BMPR1B: variants seen among roughly 807,000 people sequenced by gnomAD.
BMPR1B encodes bone morphogenetic protein receptor type 1B.
Under a neutral mutation model 59.1 loss-of-function variants are expected in BMPR1B, and 12 were observed. That is an observed-to-expected ratio of 0.20 (90% CI 0.13 to 0.33). BMPR1B has a LOEUF of 0.33. Among genes scored for constraint, BMPR1B ranks in the 10% least tolerant of loss-of-function variants. The pLI is 1.00. For missense variants in BMPR1B, 550 were observed against 610.9 expected (o/e 0.90, Z 1.05); for synonymous variants, 237 against 207.3 (o/e 1.14, Z -1.23).
intron 2 of BMPR1B, among the ~76,000 whole-genome samples, chr4:94,879,351 G>T (rs909648679): frequency 2.0e-5 from 3 of 152,188 alleles, no homozygotes; most frequent in Admixed American, 6.5e-5. Context: ...GTTTACATTT[G>T]ATTCTTTGGG....
intron 1 of BMPR1B, among the ~76,000 whole-genome samples, chr4:94,841,458 C>G (rs1725070233): frequency 6.6e-6 from 1 of 152,172 alleles, no homozygotes; most frequent in Non-Finnish European, 1.5e-5. Context: ...GGGATATAAT[C>G]TCGTGCTGCG....
intron 2 of BMPR1B, among the ~76,000 whole-genome samples, chr4:94,877,791 A>G (rs182301588): frequency 2.5e-3 from 387 of 151,994 alleles, no homozygotes; most frequent in Non-Finnish European, 4.5e-3. Context: ...TACATTTTAT[A>G]TATGTATAGA....
chr4:94,824,831 A>G (rs977515914), intron 1 of BMPR1B, among the ~76,000 whole-genome samples: 2 of 152,142 alleles, frequency 1.3e-5, no homozygotes, highest in African/African-American at 4.8e-5. Flanking sequence ...AAAGTTATAT[A>G]TAGTGTTCAA....
chr4:94,950,056 T>C (rs1022686039), intron 2 of BMPR1B, among the ~76,000 whole-genome samples: 1 of 152,270 alleles, frequency 6.6e-6, no homozygotes, highest in Non-Finnish European at 1.5e-5. Context: ...GATGAGCTTT[T>C]TTTCATGTGT....
chr4:95,146,529 T>C (rs1335048357), intron 10 of BMPR1B, among the ~76,000 whole-genome samples: 1 of 152,200 alleles, frequency 6.6e-6, no homozygotes, highest in African/African-American at 2.4e-5. Context: ...CTAAAATCTT[T>C]ATCAACTGTG....
chr4:94,839,391 G>T (rs1724953649), intron 1 of BMPR1B, among the ~76,000 whole-genome samples: 1 of 146,704 alleles, frequency 6.8e-6, no homozygotes, highest in African/African-American at 2.5e-5. Context: ...ATGTGTGGGG[G>T]TCTAAGTCTC....
rs180686504 is a variant in BMPR1B, at chr4:94,815,997, A to C, written c.-183+57929A>C. On this transcript the variant is annotated intron_variant, in intron 1 of 12. Transcript: ENST00000515059. ...TTTTTCATAGACTGTAGTCTATGTG[A>C]TGTTGGCATTTTATCTGTTATCTTG... Among the ~76,000 whole-genome samples the C allele has an allele frequency of 4.7e-3, 720 of 152,180 alleles. 6 individuals carry two copies. The highest frequency in any genetic ancestry group is 0.017 in the African/African-American group (687 of 41,532).
Position 95,155,799 on chromosome 4 carries a change from G to A in BMPR1B, c.*1126G>A, listed in dbSNP as rs1735381796. 1 of 152,076 alleles carries A rather than the reference G, an allele frequency of 6.6e-6. No individual in the cohort carries two copies. Among genetic ancestry groups the A allele is most frequent in the African/African-American group, 2.4e-5 (1 of 41,394 alleles). The allele number at this position is 152,076 out of a possible 1,614,324, so 9.4% of individuals were successfully genotyped here. ...CTTTTTGTTATTGTCTGTCTGTTTTGTATGTGTCTGAGATAAGGGATAGAG... is the reference window on the plus strand; with the variant it reads ...CTTTTTGTTATTGTCTGTCTGTTTTATATGTGTCTGAGATAAGGGATAGAG... On this transcript the variant is annotated 3_prime_UTR_variant, in exon 13 of 13. Transcript: ENST00000515059.
chr4:94,990,226 G>A (rs1352708365), intron 2 of BMPR1B, among the ~76,000 whole-genome samples: 1 of 152,078 alleles, frequency 6.6e-6, no homozygotes, highest in Non-Finnish European at 1.5e-5. Context: ...CGTAGTGGCA[G>A]GCGCCTGTAT....
chr4:94,982,721 G>A lies in BMPR1B; in HGVS notation c.-112-13319G>A, dbSNP rs551004819. Reference sequence around the variant, plus strand: ...TAAAAAAAATTTGTCAGCCGGGTGCGGTGGCTCACGCCTGTAATCCCAGCA... The same window carrying A: ...TAAAAAAAATTTGTCAGCCGGGTGCAGTGGCTCACGCCTGTAATCCCAGCA... On this transcript the variant is annotated intron_variant, in intron 2 of 12. Transcript: ENST00000515059. 6.6e-5 allele frequency among the ~76,000 whole-genome samples: 10 copies of A among 152,180 alleles called. No individual in the cohort carries two copies. The South Asian group carries it at 1.9e-3, about 28-fold the overall frequency.
chr4:95,111,097 A>G (rs773886360), intron 4 of BMPR1B, among the ~76,000 whole-genome samples: 1 of 152,152 alleles, frequency 6.6e-6, no homozygotes, highest in Non-Finnish European at 1.5e-5. Flanking sequence ...ATTCAAAAGA[A>G]ATTTAAGAGT....
intron 1 of BMPR1B, among the ~76,000 whole-genome samples, chr4:94,807,417 A>T (rs1578666306): frequency 6.6e-6 from 1 of 152,084 alleles, no homozygotes; most frequent in African/African-American, 2.4e-5. Flanking sequence ...TGAATGAAAA[A>T]ACTGGGTTTT....
rs1360896304 is a variant in BMPR1B at position 94,949,477 on chromosome 4, C to A, written c.-112-46563C>A. 1.9e-5 allele frequency among the ~76,000 whole-genome samples: 2 copies of A among 106,896 alleles called. 1 individual carries two copies. The highest frequency in any genetic ancestry group is 8.1e-5 in the African/African-American group (2 of 24,588). The allele number at this position is 106,896 out of a possible 152,430, so 70.1% of individuals were successfully genotyped here. On this transcript the variant is annotated intron_variant, in intron 2 of 12. Transcript: ENST00000515059. ...GACTACAGGCGCCTGCCACCGCGCCCGGCTGATTTTTTGTATTTTTAGTAG... is the reference window on the plus strand; with the variant it reads ...GACTACAGGCGCCTGCCACCGCGCCAGGCTGATTTTTTGTATTTTTAGTAG...
intron 3 of BMPR1B, among the ~76,000 whole-genome samples, chr4:95,068,190 C>T (rs191449979): frequency 4.4e-4 from 45 of 102,982 alleles, no homozygotes; most frequent in Admixed American, 4.0e-3. Flanking sequence ...TGTGTAGATC[C>T]GTGGCTGGCT....
chr4:95,077,041 A>G (rs1054017159), intron 3 of BMPR1B, among the ~76,000 whole-genome samples: 1 of 152,162 alleles, frequency 6.6e-6, no homozygotes, highest in Non-Finnish European at 1.5e-5. Flanking sequence ...CAGTGCAAAC[A>G]CTAGATGATA....
chr4:94,802,666 A>G (rs1723452899), intron 1 of BMPR1B, among the ~76,000 whole-genome samples: 1 of 152,190 alleles, frequency 6.6e-6, no homozygotes, highest in South Asian at 2.1e-4. Flanking sequence ...CACAAAATTC[A>G]CTTAGGTTAC....
chr4:94,969,607 T>TTGG (rs1730693942), intron 2 of BMPR1B, among the ~76,000 whole-genome samples: 1 of 152,246 alleles, frequency 6.6e-6, no homozygotes, highest in Non-Finnish European at 1.5e-5. Context: ...ATTTATGTTG[T>TTGG]TGGTGGAATG....
intron 1 of BMPR1B, among the ~76,000 whole-genome samples, chr4:94,862,148 G>GT (rs11372980): frequency 0.019 from 2,817 of 149,486 alleles, 66 homozygotes; most frequent in African/African-American, 0.063. Context: ...AATTATTACT[G>GT]TTTTTTTTTG....
intron 3 of BMPR1B, among the ~76,000 whole-genome samples, chr4:95,083,953 A>C (rs1729370193): frequency 6.6e-6 from 1 of 152,172 alleles, no homozygotes. Context: ...TGATTAGTTT[A>C]ATTTTGGAAA....
Sources: allele counts gnomAD v4.1 joint callset (sites outside exome capture counted in the v4.1 genomes callset), GRCh38; gene constraint gnomAD v4.1.1; transcripts MANE v1.5; gene names NCBI Gene and HGNC (gene_info 2026-07-23, HGNC 2026-07-21).